Variants in FOXN3 observed in about 807,000 individuals in gnomAD.
FOXN3 encodes the protein forkhead box N3, also known as forkhead box protein N3.
Under a neutral mutation model 38.4 loss-of-function variants are expected in FOXN3, and 7 were observed. The observed-to-expected ratio is 0.18, with a 90% CI of 0.10 to 0.34. The LOEUF (loss-of-function observed/expected upper bound fraction) is 0.34. FOXN3 is among the 10% of genes least tolerant of loss of function. The pLI is 1.00. For missense variants in FOXN3, 456 were observed against 613.4 expected (o/e 0.74, Z 2.71); for synonymous variants, 230 against 242.2 (o/e 0.95, Z 0.47).
intron 1 of FOXN3, among the ~76,000 whole-genome samples, chr14:89,443,783 G>A (rs1892437226): frequency 6.6e-6 from 1 of 152,114 alleles, no homozygotes; most frequent in Non-Finnish European, 1.5e-5. Flanking sequence ...GCCAAGGTGG[G>A]CGGGTCACCT....
chr14:89,319,610 T>G (rs533953490), intron 3 of FOXN3, among the ~76,000 whole-genome samples: 1 of 152,108 alleles, frequency 6.6e-6, no homozygotes, highest in Non-Finnish European at 1.5e-5. Context: ...CTGGGAGTGC[T>G]GAGAACCCTC....
chr14:89,452,181 G>A (rs1210338286), intron 1 of FOXN3, among the ~76,000 whole-genome samples: 5 of 152,182 alleles, frequency 3.3e-5, no homozygotes, highest in African/African-American at 9.6e-5. Context: ...GTAAAGGTGT[G>A]TAGTCAGGGT....
chr14:89,511,987 A>G (rs1477670939), intron 1 of FOXN3, among the ~76,000 whole-genome samples: 1 of 152,200 alleles, frequency 6.6e-6, no homozygotes, highest in Non-Finnish European at 1.5e-5. Context: ...CCCTCTCATG[A>G]TGCATGGGGA....
At chr14:89,362,764 A>T (rs1477089965) in intron 2 of FOXN3, among the ~76,000 whole-genome samples, 3 of 110,974 alleles carry the variant, frequency 2.7e-5, no homozygotes, top group East Asian at 5.6e-4. Flanking sequence ...CACCACCACC[A>T]CCACCACCAC....
intron 4 of FOXN3, among the ~76,000 whole-genome samples, chr14:89,210,887 CTTTAT>C (rs1428792965): frequency 6.6e-6 from 1 of 152,110 alleles, no homozygotes; most frequent in African/African-American, 2.4e-5. Flanking sequence ...CTTCATTTTG[CTTTAT>C]TTTATTCTCC....
At chr14:89,582,160 G>A (rs573518533) in intron 1 of FOXN3, among the ~76,000 whole-genome samples, 89 of 152,184 alleles carry the variant, frequency 5.8e-4, no homozygotes, top group African/African-American at 4.8e-4. Flanking sequence ...ACAGTCCCCC[G>A]TCTGTGGGAA....
rs1461792448 is a variant in FOXN3, at chr14:89,344,734, G to C, written c.680+5938C>G. On this transcript the variant is annotated intron_variant, in intron 3 of 5. Coordinates refer to ENST00000557258, the MANE Select transcript of FOXN3 (RefSeq NM_005197.4). ...GAACTGTCTTTTCATTTAACTGTCA[G>C]ACATTGAGAAAGGTTAGAAAAATAG... 2.0e-5 allele frequency among the ~76,000 whole-genome samples: 3 copies of C among 152,176 alleles called. No homozygotes were observed. In the East Asian group the frequency reaches 5.8e-4, roughly 29 times the overall value.
intron 2 of FOXN3, among the ~76,000 whole-genome samples, chr14:89,400,376 C>T (rs1891214823): frequency 6.6e-6 from 1 of 152,138 alleles, no homozygotes; most frequent in South Asian, 2.1e-4. Flanking sequence ...AGATTTATAC[C>T]TCCACCCGAA....
intron 3 of FOXN3, among the ~76,000 whole-genome samples, chr14:89,339,378 G>A (rs1437519825): frequency 6.6e-6 from 1 of 152,168 alleles, no homozygotes; most frequent in African/African-American, 2.4e-5. Flanking sequence ...GTGGCCCAGG[G>A]AGGCTCTAAC....
At chr14:89,490,205 C>T (rs1479749587) in intron 1 of FOXN3, among the ~76,000 whole-genome samples, 5 of 152,208 alleles carry the variant, frequency 3.3e-5, no homozygotes, top group African/African-American at 1.2e-4. Flanking sequence ...TCAGCAGCTG[C>T]CGTGTCCTCA....
At chr14:89,165,682 T>G (rs975336633) in intron 5 of FOXN3, among the ~76,000 whole-genome samples, 1 of 152,240 alleles carries the variant, frequency 6.6e-6, no homozygotes, top group Non-Finnish European at 1.5e-5. Context: ...AATGTGAAAC[T>G]TGGTAAATGT....
At chr14:89,257,330 G>C (rs1472389126) in intron 4 of FOXN3, among the ~76,000 whole-genome samples, 1 of 152,218 alleles carries the variant, frequency 6.6e-6, no homozygotes, top group African/African-American at 2.4e-5. Context: ...CAGAAGTAAA[G>C]GAAATTGTAT....
At chr14:89,183,541 G>C (rs79235289) in intron 4 of FOXN3, among the ~76,000 whole-genome samples, 2,475 of 152,266 alleles carry the variant, frequency 0.016, 32 homozygotes, top group Non-Finnish European at 0.026. Context: ...GGGGCCTAGA[G>C]GCAGAAAGGA....
chr14:89,296,790 C>T (rs1438234526), intron 3 of FOXN3, among the ~76,000 whole-genome samples: 1 of 152,224 alleles, frequency 6.6e-6, no homozygotes. Context: ...TGCCTGCCAC[C>T]ATGCCTGGCT....
At chr14:89,445,617 C>T (rs2139702168) in intron 1 of FOXN3, among the ~76,000 whole-genome samples, 1 of 152,296 alleles carries the variant, frequency 6.6e-6, no homozygotes, top group South Asian at 2.1e-4. Context: ...GTCCTGCCTC[C>T]TGGGGAAAAC....
intron 1 of FOXN3, among the ~76,000 whole-genome samples, chr14:89,456,048 G>A (rs1243754769): frequency 6.6e-6 from 1 of 152,060 alleles, no homozygotes; most frequent in Admixed American, 6.6e-5. Flanking sequence ...TAAAAAATTA[G>A]CCAGGCATGG....
chr14:89,191,520 C>A (rs1006068984), intron 4 of FOXN3, among the ~76,000 whole-genome samples: 2 of 152,188 alleles, frequency 1.3e-5, no homozygotes, highest in Non-Finnish European at 2.9e-5. Flanking sequence ...GGGGCTCGCA[C>A]TTGTCAGTTT....
At chr14:89,506,770 G>A (rs1385724195) in intron 1 of FOXN3, among the ~76,000 whole-genome samples, 1 of 152,214 alleles carries the variant, frequency 6.6e-6, no homozygotes, top group Non-Finnish European at 1.5e-5. Flanking sequence ...TTTTCATTTT[G>A]TTCTGTACTA....
chr14:89,416,331 T>A (rs945087199), intron 1 of FOXN3, among the ~76,000 whole-genome samples: 3 of 152,204 alleles, frequency 2.0e-5, no homozygotes, highest in African/African-American at 7.2e-5. Context: ...ATAAACCTTT[T>A]ATTGGCCGCA....
Sources: gnomAD v4.1 joint callset for allele counts (sites outside exome capture counted in the v4.1 genomes callset) on GRCh38, gnomAD v4.1.1 for gene constraint, MANE v1.5 for transcripts, NCBI Gene and HGNC (gene_info 2026-07-23, HGNC 2026-07-21) for gene names.